Variants in AGGF1 observed in about 807,000 individuals in gnomAD.
AGGF1 encodes the protein angiogenic factor with G patch and FHA domains 1.
A neutral mutation model predicts 86.5 loss-of-function variants in AGGF1; 56 were observed. The ratio of observed to expected loss-of-function variants is 0.65; its 90% CI spans 0.52 to 0.81. AGGF1 has a LOEUF of 0.81. Among genes scored for constraint, AGGF1 ranks in the 30% least tolerant of loss-of-function variants. The pLI, the probability that AGGF1 is intolerant of heterozygous loss-of-function variation, is 0.00. For synonymous variants in AGGF1, 313 were observed against 297.1 expected, an observed-to-expected ratio of 1.05 and a Z score of -0.55; for missense variants, 816 against 850.9, an observed-to-expected ratio of 0.96 and a Z score of 0.51.
At chr5:77,054,202 A>G in intron 10 of AGGF1, 72 bp downstream of exon 10, 2 of 1,567,646 alleles carry the variant, frequency 1.3e-6, no homozygotes, top group Non-Finnish European at 1.8e-6. Flanking sequence ...AAAAAACATC[A>G]GTCAGCTACT....
intron 2 of AGGF1, among the ~76,000 whole-genome samples, chr5:77,034,983 C>G (rs900491161): frequency 1.3e-5 from 2 of 151,216 alleles, no homozygotes; most frequent in African/African-American, 4.8e-5. Context: ...ATATATGTGT[C>G]ACAAGAAGAA....
chr5:77,036,745 T>C (rs1185193335), intron 4 of AGGF1, 25 bp downstream of exon 4: 2 of 1,610,862 alleles, frequency 1.2e-6, no homozygotes, highest in African/African-American at 2.7e-5. Flanking sequence ...CCTTTTTGTT[T>C]TGTTTTGTTT....
intron 7 of AGGF1, among the ~76,000 whole-genome samples, chr5:77,048,499 G>T (rs747560241): frequency 6.6e-6 from 1 of 152,080 alleles, no homozygotes; most frequent in Non-Finnish European, 1.5e-5. Flanking sequence ...TTACAGGCGT[G>T]CACCACCACG....
intron 5 of AGGF1, among the ~76,000 whole-genome samples, chr5:77,043,623 G>T (rs1327908520): frequency 2.5e-3 from 299 of 118,480 alleles, no homozygotes; most frequent in African/African-American, 8.2e-3. Flanking sequence ...TGGCCGGGCG[G>T]GGGGGCTGAC....
At position 77,063,249 on chromosome 5, in the gene AGGF1, GT is replaced by G. The variant is rs754090936; in HGVS notation, c.2143del (p.Ter715GlufsTer3). 2 of 1,612,400 alleles carry G rather than the reference GT, an allele frequency of 1.2e-6. No individual in the cohort carries two copies. The highest frequency in any genetic ancestry group is 2.2e-5 in the South Asian group (2 of 90,916). Reference sequence around the variant, plus strand: ...TGCCTTGGGTAAAAGGGACTTTAGAGTGAAGGCTAATCATAGAAAAAAAACC... The same window carrying G: ...TGCCTTGGGTAAAAGGGACTTTAGAGGAAGGCTAATCATAGAAAAAAAACC... The part of the protein sequence containing the change: ...TMPWVKGTLE[*>X] On this transcript the variant is annotated frameshift_variant and stop_lost, in exon 14 of 14. Transcript: ENST00000312916. LOFTEE classifies it high-confidence loss of function.
intron 12 of AGGF1, among the ~76,000 whole-genome samples, chr5:77,060,886 TTAAA>T (rs1747551285): frequency 6.6e-6 from 1 of 152,150 alleles, no homozygotes; most frequent in Non-Finnish European, 1.5e-5. Context: ...TGCATTCAAA[TTAAA>T]TAAGACAAAT....
In AGGF1 at chr5:77,039,719, G is replaced by A. The variant is rs374194925; in HGVS notation, c.870G>A (p.Lys290=). 1.2e-6 allele frequency: 2 copies of A among 1,608,970 alleles called. No homozygotes were observed. The highest frequency in any genetic ancestry group is 3.4e-5 in the Admixed American group (2 of 59,584). The change falls in exon 5 of 14, where the codon AAG becomes AAA. Residue 290 remains lysine (K), a splice_region_variant and synonymous_variant. Transcript: ENST00000312916. ...DPDSSATNEE[K]DLNSEDQKAF... ...ATTCTTCTGCAACAAATGAGGAAAAGGTAATGTCTTTACAATTTTAAAAAT... is the reference window on the plus strand; with the variant it reads ...ATTCTTCTGCAACAAATGAGGAAAAAGTAATGTCTTTACAATTTTAAAAAT...
chr5:77,053,899 C>G, intron 9 of AGGF1, 66 bp from the exon 10 acceptor site: 2 of 1,468,568 alleles, frequency 1.4e-6, no homozygotes, highest in Non-Finnish European at 9.5e-7. Flanking sequence ...ACATTACTTA[C>G]AGTAGATGTA....
Position 77,052,776 on chromosome 5 carries a change from G to T in AGGF1, c.1436G>T (p.Gly479Val). ...YVLVDQGSQN[G>V]TIVNGKQILQ... ...CTTGTGGATCAAGGCAGTCAAAATG[G>T]CACAATTGTTAATGGAAAACAGATT... is the stretch of plus-strand genomic sequence containing the variant. The change falls in exon 9 of 14, where the codon GGC becomes GTC. Residue 479 changes from glycine to valine, a missense_variant. Physicochemically the swap from Gly to Val is moderately radical, Grantham distance 109. Coordinates refer to ENST00000312916, the MANE Select transcript of AGGF1 (RefSeq NM_018046.5). The T allele has an allele frequency of 6.2e-7, 1 of 1,613,650 alleles. No homozygotes were observed. The highest frequency in any genetic ancestry group is 8.5e-7 in the Non-Finnish European group (1 of 1,179,726).
chr5:77,040,659 C>G (rs1370481944), intron 5 of AGGF1, among the ~76,000 whole-genome samples: 1 of 152,136 alleles, frequency 6.6e-6, no homozygotes, highest in Non-Finnish European at 1.5e-5. Flanking sequence ...TAACAGTGTT[C>G]TTTATTTCTA....
At position 77,054,043 on chromosome 5, in the gene AGGF1, A is replaced by T. The variant is rs1324551275; in HGVS notation, c.1546A>T (p.Ile516Phe). ...TGGAGAAACTGTCTTATCCTTTCAC[A>T]TTCATCCTGGCAGTGATACCTGTGA... is the stretch of plus-strand genomic sequence containing the variant. Reference protein sequence around the residue: ...KIGETVLSFHIHPGSDTCDGC... With the variant: ...KIGETVLSFHFHPGSDTCDGC... Residue 516 changes from isoleucine (I) to phenylalanine (F), a missense_variant, in exon 10 of 14, where the codon ATT (isoleucine) becomes TTT (phenylalanine). This residue lies in a region of AGGF1 where 565 missense variants were observed against 585.8 expected (regional missense o/e 0.96). Transcript: ENST00000312916. The T allele has an allele frequency of 6.2e-7, 1 of 1,614,058 alleles. No individual in the cohort carries two copies. Among genetic ancestry groups the T allele is most frequent in the African/African-American group, 1.3e-5 (1 of 74,940 alleles).
Position 77,039,534 on chromosome 5 carries a change from A to T in AGGF1, c.685A>T (p.Asn229Tyr), listed in dbSNP as rs1747026945. The T allele has an allele frequency of 6.3e-7, 1 of 1,596,010 alleles. No individual in the cohort carries two copies. The highest frequency in any genetic ancestry group is 1.3e-5 in the African/African-American group (1 of 74,638). Residue 229 changes from asparagine to tyrosine, a missense_variant, in exon 5 of 14, where the codon AAT (asparagine) becomes TAT (tyrosine). This residue lies in a region of AGGF1 where 565 missense variants were observed against 585.8 expected (regional missense o/e 0.96). Transcript: ENST00000312916. Reference protein sequence around the residue: ...HSTGFYYDSENQLYYDPSTGI... With the variant: ...HSTGFYYDSEYQLYYDPSTGI... ...ATTTTTTTCTTGACTTTCAAAGGAA[A>T]ATCAACTCTATTATGATCCTTCCAC... is the stretch of plus-strand genomic sequence containing the variant.
In AGGF1 at chr5:77,057,513, T is replaced by G. The variant is rs115262612; in HGVS notation, c.1716+1917T>G. Reference sequence around the variant, plus strand: ...TAAAACACGTGTATGTGCTTCCACTTGTGGAACAATTTCACTATTCACTGG... The same window carrying G: ...TAAAACACGTGTATGTGCTTCCACTGGTGGAACAATTTCACTATTCACTGG... On this transcript the variant is annotated intron_variant, in intron 11 of 13. Coordinates refer to ENST00000312916, the MANE Select transcript of AGGF1 (RefSeq NM_018046.5). Among the ~76,000 whole-genome samples the G allele has an allele frequency of 7.3e-3, 1,108 of 152,348 alleles. 16 individuals carry two copies. The highest frequency in any genetic ancestry group is 0.025 in the African/African-American group (1,058 of 41,568).
intron 1 of AGGF1, among the ~76,000 whole-genome samples, chr5:77,033,057 C>G (rs1361012066): frequency 6.6e-6 from 1 of 152,162 alleles, no homozygotes; most frequent in East Asian, 1.9e-4. Context: ...CCACATGCCT[C>G]CATTTTAGTC....
At chr5:77,032,523 C>G (rs1335700057) in intron 1 of AGGF1, among the ~76,000 whole-genome samples, 1 of 137,178 alleles carries the variant, frequency 7.3e-6, no homozygotes, top group African/African-American at 2.8e-5. Flanking sequence ...GAGATTGCGC[C>G]ACTGCACTCC....
chr5:77,046,486 C>A lies in AGGF1; in HGVS notation c.1010C>A (p.Thr337Asn). 1 of 1,614,054 alleles carries A rather than the reference C, an allele frequency of 6.2e-7. No homozygotes were observed. Among genetic ancestry groups the A allele is most frequent in the East Asian group, 2.2e-5 (1 of 44,866 alleles). ...KNSPPKVTVP[T>N]SGNTIESPLH... ...AGTCCCCCCAAAGTCACTGTTCCAA[C>A]TAGTGGAAATACTATAGAGTCTCCT... Residue 337 changes from threonine (T) to asparagine (N), a missense_variant, in exon 6 of 14, where the codon ACT (threonine) becomes AAT (asparagine). Transcript: ENST00000312916.
In AGGF1 at chr5:77,063,303, A is replaced by C. The variant is rs958378873; in HGVS notation, c.*51A>C. On this transcript the variant is annotated 3_prime_UTR_variant, in exon 14 of 14. Coordinates refer to ENST00000312916, the MANE Select transcript of AGGF1 (RefSeq NM_018046.5). Reference sequence around the variant, plus strand: ...TAGTTTTTTTAAAAATAGAATTTGGAAACTTATTTTTTCTCCCCAAAAGAA... The same window carrying C: ...TAGTTTTTTTAAAAATAGAATTTGGCAACTTATTTTTTCTCCCCAAAAGAA... 3.9e-6 allele frequency: 6 copies of C among 1,552,324 alleles called. No individual in the cohort carries two copies. Among genetic ancestry groups the C allele is most frequent in the Non-Finnish European group, 8.8e-7 (1 of 1,135,146 alleles).
intron 10 of AGGF1, among the ~76,000 whole-genome samples, 175 bp downstream of exon 10, chr5:77,054,305 A>C (rs1265150657): frequency 6.6e-6 from 1 of 152,228 alleles, no homozygotes; most frequent in Non-Finnish European, 1.5e-5. Context: ...ATAGATTGAG[A>C]TATATTTCGT....
In AGGF1 at chr5:77,064,258, A is replaced by T. The variant is rs977114005; in HGVS notation, c.*1006A>T. ...TGGGCACAGGTGTCACTGCTCTGCC[A>T]CCTATCACTATTCTTTTTCTGTTCA... On this transcript the variant is annotated 3_prime_UTR_variant, in exon 14 of 14. Transcript: ENST00000312916. The T allele has an allele frequency of 1.3e-5, 2 of 152,450 alleles. No homozygotes were observed. Among genetic ancestry groups the T allele is most frequent in the African/African-American group, 4.8e-5 (2 of 41,446 alleles). The allele number at this position is 152,450 out of a possible 1,614,324, so 9.4% of individuals were successfully genotyped here. A position where few individuals can be genotyped will look rare whatever the true frequency, so the allele number is the denominator to read the frequency against.
Sources: allele counts gnomAD v4.1 joint callset (sites outside exome capture counted in the v4.1 genomes callset), GRCh38; gene constraint gnomAD v4.1.1; regional missense constraint gnomAD v4.1.1; transcripts MANE v1.5; gene names NCBI Gene and HGNC (gene_info 2026-07-23, HGNC 2026-07-21).